The following FBXL7 variants were observed in gnomAD, a reference collection of about 807,000 sequenced individuals.
FBXL7 encodes the protein F-box/LRR-repeat protein 7.
Under a neutral mutation model 38.3 loss-of-function variants are expected in FBXL7, and 12 were observed. That is an observed-to-expected ratio of 0.31 (90% CI 0.20 to 0.51). The LOEUF (loss-of-function observed/expected upper bound fraction) is 0.51. Ranked by LOEUF, FBXL7 falls within the 20% of genes least tolerant of loss-of-function variation. FBXL7 has a pLI of 0.98. For missense variants in FBXL7, 567 were observed against 676.4 expected, an observed-to-expected ratio of 0.84 and a Z score of 1.79; for synonymous variants, 297 against 300.9, an observed-to-expected ratio of 0.99 and a Z score of 0.13.
intron 2 of FBXL7, among the ~76,000 whole-genome samples, chr5:15,842,832 G>A (rs1055357885): frequency 2.0e-4 from 31 of 152,170 alleles, no homozygotes; most frequent in Admixed American, 1.6e-3. Context: ...TCCCAGCTAC[G>A]TGGAACTGTG....
At chr5:15,780,472 C>CAG in intron 2 of FBXL7, among the ~76,000 whole-genome samples, 1 of 152,098 alleles carries the variant, frequency 6.6e-6, no homozygotes, top group Non-Finnish European at 1.5e-5. Flanking sequence ...TGGGAAAAAA[C>CAG]AGAAAACAAT....
At chr5:15,898,130 A>G (rs1337666199) in intron 2 of FBXL7, among the ~76,000 whole-genome samples, 1 of 152,082 alleles carries the variant, frequency 6.6e-6, no homozygotes, top group African/African-American at 2.4e-5. Context: ...TAGCTATTGC[A>G]TCCAAAGTAA....
At chr5:15,932,661 G>T (rs1742067007) in intron 3 of FBXL7, among the ~76,000 whole-genome samples, 1 of 152,092 alleles carries the variant, frequency 6.6e-6, no homozygotes, top group South Asian at 2.1e-4. Flanking sequence ...CCATGGACTT[G>T]CCCCTTGCTT....
intron 1 of FBXL7, among the ~76,000 whole-genome samples, chr5:15,527,298 C>G (rs951211792): frequency 6.6e-6 from 1 of 152,064 alleles, no homozygotes; most frequent in African/African-American, 2.4e-5. Context: ...ATCATAATCC[C>G]TAAATTTAAA....
chr5:15,633,737 A>G (rs932290547), intron 2 of FBXL7, among the ~76,000 whole-genome samples: 1 of 131,246 alleles, frequency 7.6e-6, no homozygotes, highest in South Asian at 2.3e-4. Context: ...GTAGGGACAC[A>G]GATATTATTA....
At chr5:15,546,783 C>T (rs946062685) in intron 1 of FBXL7, among the ~76,000 whole-genome samples, 10 of 152,084 alleles carry the variant, frequency 6.6e-5, no homozygotes, top group African/African-American at 2.4e-4. Flanking sequence ...ACATATGGGT[C>T]TCACATTCTT....
At chr5:15,810,558 T>C (rs1358233441) in intron 2 of FBXL7, among the ~76,000 whole-genome samples, 1 of 104,396 alleles carries the variant, frequency 9.6e-6, no homozygotes, top group Non-Finnish European at 2.4e-5. Context: ...CAAAACTCCG[T>C]CTCAAAAAAA....
At chr5:15,705,783 T>G (rs1743663299) in intron 2 of FBXL7, among the ~76,000 whole-genome samples, 1 of 152,144 alleles carries the variant, frequency 6.6e-6, no homozygotes, top group South Asian at 2.1e-4. Context: ...ATAGGTGTAT[T>G]TCCTACCCAA....
intron 2 of FBXL7, among the ~76,000 whole-genome samples, chr5:15,885,587 C>T (rs531482268): frequency 6.6e-6 from 1 of 152,282 alleles, no homozygotes; most frequent in African/African-American, 2.4e-5. Context: ...AATGTTGAAA[C>T]TCCAAGGACA....
chr5:15,577,575 C>T (rs1580381465), intron 1 of FBXL7, among the ~76,000 whole-genome samples: 1 of 150,392 alleles, frequency 6.6e-6, no homozygotes, highest in African/African-American at 2.5e-5. Context: ...TATAATGAAT[C>T]ATTACTATGT....
At chr5:15,743,356 T>C (rs1301139635) in intron 2 of FBXL7, among the ~76,000 whole-genome samples, 5 of 152,206 alleles carry the variant, frequency 3.3e-5, no homozygotes, top group Admixed American at 3.3e-4. Context: ...AGAAAATGGC[T>C]AAAACAAAGG....
chr5:15,699,161 G>C lies in FBXL7; in HGVS notation c.127+83089G>C, dbSNP rs149633524. Among the ~76,000 whole-genome samples the C allele has an allele frequency of 5.1e-4, 77 of 152,254 alleles. No homozygotes were observed. The Middle Eastern group carries it at 0.01, about 20-fold the overall frequency. On this transcript the variant is annotated intron_variant, in intron 2 of 3. Transcript: ENST00000504595. Reference sequence around the variant, plus strand: ...TTCTACCATTCACTCCATGAATCTTGTTTCCTGTTGTGTTATAATTGGGGG... The same window carrying C: ...TTCTACCATTCACTCCATGAATCTTCTTTCCTGTTGTGTTATAATTGGGGG...
Position 15,637,205 on chromosome 5 carries a change from C to T in FBXL7, c.127+21133C>T, listed in dbSNP as rs377643360. Among the ~76,000 whole-genome samples, 11 of 152,082 alleles carry T rather than the reference C, an allele frequency of 7.2e-5. No individual in the cohort carries two copies. The East Asian group carries it at 7.7e-4, about 11-fold the overall frequency. On this transcript the variant is annotated intron_variant, in intron 2 of 3. Coordinates refer to ENST00000504595, the MANE Select transcript of FBXL7 (RefSeq NM_012304.5). ...AAAAAATGAAATTCTAGTCATATAA[C>T]GGTGGAACTTTCCAATGGGCAGAAA... is the stretch of plus-strand genomic sequence containing the variant.
intron 2 of FBXL7, among the ~76,000 whole-genome samples, chr5:15,655,776 C>G (rs1392996263): frequency 6.6e-6 from 1 of 152,158 alleles, no homozygotes; most frequent in Non-Finnish European, 1.5e-5. Flanking sequence ...GTCCATTAGA[C>G]TAACACACTC....
intron 2 of FBXL7, 102 bp from the exon 3 acceptor site, chr5:15,927,784 AAAAG>A (rs1190959480): frequency 6.1e-6 from 5 of 815,134 alleles, no homozygotes; most frequent in African/African-American, 5.4e-5. Context: ...AAAAAAAAAA[AAAAG>A]AAGAAGAAAG....
At chr5:15,836,837 T>G (rs1158124383) in intron 2 of FBXL7, among the ~76,000 whole-genome samples, 43 of 152,176 alleles carry the variant, frequency 2.8e-4, no homozygotes, top group African/African-American at 2.4e-5. Flanking sequence ...TATATTATGA[T>G]GGAACCTTAG....
intron 1 of FBXL7, among the ~76,000 whole-genome samples, chr5:15,535,259 T>C (rs1427460641): frequency 6.6e-6 from 1 of 152,146 alleles, no homozygotes; most frequent in Non-Finnish European, 1.5e-5. Flanking sequence ...TTACAAGGAA[T>C]GGGGTACTGC....
chr5:15,657,420 T>A (rs1741919928), intron 2 of FBXL7, among the ~76,000 whole-genome samples: 1 of 152,192 alleles, frequency 6.6e-6, no homozygotes, highest in Non-Finnish European at 1.5e-5. Flanking sequence ...AATAATTCTA[T>A]AGAACAAATC....
intron 2 of FBXL7, among the ~76,000 whole-genome samples, chr5:15,890,044 T>C (rs868108703): frequency 4.6e-5 from 7 of 152,070 alleles, no homozygotes; most frequent in Middle Eastern, 3.2e-3. Flanking sequence ...GACTTCATTC[T>C]CTCATTTCAA....
Sources: gnomAD v4.1 joint callset for allele counts (sites outside exome capture counted in the v4.1 genomes callset) on GRCh38, gnomAD v4.1.1 for gene constraint, MANE v1.5 for transcripts, NCBI Gene and HGNC (gene_info 2026-07-23, HGNC 2026-07-21) for gene names.